Variants in SMYD3 observed in about 807,000 individuals in gnomAD.
SMYD3 encodes the protein SET and MYND domain containing 3, also known as histone-lysine N-methyltransferase SMYD3.
A neutral mutation model predicts 57.7 loss-of-function variants in SMYD3; 36 were observed. The observed-to-expected ratio is 0.62, with a 90% CI of 0.48 to 0.82. The LOEUF (loss-of-function observed/expected upper bound fraction) is 0.82. Ranked by LOEUF, SMYD3 falls within the 40% of genes least tolerant of loss-of-function variation. The pLI is 0.00. For synonymous variants in SMYD3, 211 were observed against 195.0 expected (o/e 1.08, Z -0.68); for missense variants, 515 against 538.8 (o/e 0.96, Z 0.44).
intron 5 of SMYD3, among the ~76,000 whole-genome samples, chr1:246,281,572 C>T (rs562380391): frequency 2.0e-5 from 3 of 152,258 alleles, no homozygotes; most frequent in East Asian, 1.9e-4. Flanking sequence ...CAGGAAATTA[C>T]GTTATTGTCA....
intron 11 of SMYD3, among the ~76,000 whole-genome samples, chr1:245,762,708 C>T (rs1391776783): frequency 2.0e-5 from 3 of 152,180 alleles, no homozygotes; most frequent in African/African-American, 4.8e-5. Flanking sequence ...TAGCATTCGG[C>T]GAAAATGAGC....
chr1:246,000,034 A>C (rs1299014802), intron 5 of SMYD3, among the ~76,000 whole-genome samples: 1 of 152,220 alleles, frequency 6.6e-6, no homozygotes, highest in Non-Finnish European at 1.5e-5. Flanking sequence ...GCTAAATGAG[A>C]TAGGCTATGA....
At chr1:246,469,334 A>G (rs894325334) in intron 1 of SMYD3, among the ~76,000 whole-genome samples, 1 of 152,254 alleles carries the variant, frequency 6.6e-6, no homozygotes, top group Non-Finnish European at 1.5e-5. Context: ...CTTACTACCT[A>G]GCAGTCAAGG....
In SMYD3 at chr1:246,355,010, T is replaced by A; in HGVS notation, c.228+21A>T. On this transcript the variant is annotated intron_variant, in intron 2 of 11. Transcript: ENST00000490107. The surrounding 1 kb of genome is among the most constrained non-coding windows in gnomAD (Gnocchi z 5.0). ...GTAAAGAATTTGAAAGCTTCACTTA[T>A]ATATGGCTGAAAAGTCTTACCTGAC... 1 of 1,612,160 alleles carries A rather than the reference T, an allele frequency of 6.2e-7. No individual in the cohort carries two copies.
At chr1:245,759,451 AG>A (rs58592643) in intron 11 of SMYD3, among the ~76,000 whole-genome samples, 12,209 of 152,160 alleles carry the variant, frequency 0.08, 1,644 homozygotes, top group African/African-American at 0.28. Flanking sequence ...AATATACAAA[AG>A]GTTGTGTATA....
chr1:246,344,165 G>A (rs375666893), intron 2 of SMYD3, among the ~76,000 whole-genome samples: 14 of 151,926 alleles, frequency 9.2e-5, no homozygotes, highest in African/African-American at 1.7e-4. Context: ...TTACATGCAC[G>A]TGCCACCACA....
intron 5 of SMYD3, among the ~76,000 whole-genome samples, chr1:246,173,571 T>A (rs901722526): frequency 2.6e-5 from 4 of 151,454 alleles, no homozygotes; most frequent in African/African-American, 9.7e-5. Context: ...GAACTATTTT[T>A]AAATTTTTTT....
At chr1:246,291,803 T>C (rs2064696543) in intron 5 of SMYD3, among the ~76,000 whole-genome samples, 3 of 152,164 alleles carry the variant, frequency 2.0e-5, no homozygotes, top group Admixed American at 2.0e-4. Context: ...CTTGGGAAAA[T>C]ATGAATTTGA....
intron 1 of SMYD3, among the ~76,000 whole-genome samples, chr1:246,473,277 G>A (rs1054271584): frequency 6.6e-6 from 1 of 152,150 alleles, no homozygotes; most frequent in African/African-American, 2.4e-5. Flanking sequence ...ACATCTTGGA[G>A]ATAAATAGCA....
rs1357055789 is a variant in SMYD3, at chr1:245,976,830, TCTAGCCTAGGGAAAG to T, written c.532-46908_532-46894del. On this transcript the variant is annotated intron_variant, in intron 5 of 11. Transcript: ENST00000490107. ...CTCTAGCCTAGGGAAAGCCATCGTC[TCTAGCCTAGGGAAAG>T]CCATCGTCTCTAGCCTAGGGAAAGC... 7.5e-4 allele frequency among the ~76,000 whole-genome samples: 22 copies of T among 29,356 alleles called. 6 individuals carry two copies. Among genetic ancestry groups the T allele is most frequent in the Non-Finnish European group, 1.1e-3 (12 of 10,826 alleles). The allele number at this position is 29,356 out of a possible 152,430, so 19.3% of individuals were successfully genotyped here. A position where few individuals can be genotyped will look rare whatever the true frequency, so the allele number is the denominator to read the frequency against.
chr1:246,220,412 C>G (rs913056980), intron 5 of SMYD3, among the ~76,000 whole-genome samples: 1 of 151,838 alleles, frequency 6.6e-6, no homozygotes, highest in East Asian at 2.0e-4. Flanking sequence ...CTCCACGAAG[C>G]AGGTGGGAGC....
intron 5 of SMYD3, among the ~76,000 whole-genome samples, chr1:246,243,810 G>T (rs1164330270): frequency 2.6e-5 from 4 of 151,712 alleles, no homozygotes; most frequent in Admixed American, 2.0e-4. Context: ...TTACTTGATG[G>T]ACTAAGAACA....
At chr1:246,085,195 G>A (rs890327261) in intron 5 of SMYD3, among the ~76,000 whole-genome samples, 1 of 151,850 alleles carries the variant, frequency 6.6e-6, no homozygotes, top group African/African-American at 2.4e-5. Context: ...TGTGTATCTG[G>A]GTTAGTTTCC....
At chr1:246,076,114 C>G (rs1462878564) in intron 5 of SMYD3, among the ~76,000 whole-genome samples, 3 of 152,216 alleles carry the variant, frequency 2.0e-5, no homozygotes, top group Non-Finnish European at 2.9e-5. Flanking sequence ...AGGGATACAT[C>G]TGTAGATTTA....
chr1:246,159,440 C>T (rs2062078276), intron 5 of SMYD3, among the ~76,000 whole-genome samples: 1 of 152,122 alleles, frequency 6.6e-6, no homozygotes, highest in South Asian at 2.1e-4. Context: ...GCAAATAGTA[C>T]CTTCCCCAGA....
At chr1:246,273,378 G>A (rs1343837047) in intron 5 of SMYD3, among the ~76,000 whole-genome samples, 1 of 151,624 alleles carries the variant, frequency 6.6e-6, no homozygotes, top group Non-Finnish European at 1.5e-5. Context: ...TGAAACTCCT[G>A]ACCTCAAGTG....
chr1:246,412,782 C>G (rs527453971), intron 1 of SMYD3, among the ~76,000 whole-genome samples: 1 of 145,616 alleles, frequency 6.9e-6, no homozygotes, highest in Non-Finnish European at 1.5e-5. Flanking sequence ...GGCTTGAACT[C>G]GGGAGGCGGA....
chr1:246,354,788 T>C (rs997422117), intron 2 of SMYD3, among the ~76,000 whole-genome samples: 1 of 151,966 alleles, frequency 6.6e-6, no homozygotes, highest in Non-Finnish European at 1.5e-5. Context: ...TGGGGAGGAA[T>C]AGACATTTAC....
Position 246,507,150 on chromosome 1 carries a change from G to A in SMYD3, c.68C>T (p.Pro23Leu). The A allele has an allele frequency of 6.5e-7, 1 of 1,532,770 alleles. No individual in the cohort carries two copies. The highest frequency in any genetic ancestry group is 1.4e-5 in the African/African-American group (1 of 70,422). 94.9% of individuals were successfully genotyped at this position (1,532,770 alleles called of 1,614,324 possible). The change falls in exon 1 of 12, where the codon CCG (proline) becomes CTG (leucine). Residue 23 changes from proline to leucine, a missense_variant. Pro to Leu is a moderately conservative substitution (Grantham distance 98). Coordinates refer to ENST00000490107, the MANE Select transcript of SMYD3 (RefSeq NM_001167740.2). The part of the protein sequence containing the change: ...KRGNGLRAVT[P>L]LRPGELLFRS... ...GAAGAGTAGCTCTCCGGGGCGCAGC[G>A]GGGTCACGGCGCGCAGCCCGTTTCC...
Sources: gnomAD v4.1 joint callset for allele counts (sites outside exome capture counted in the v4.1 genomes callset) on GRCh38, gnomAD v4.1.1 for gene constraint, Gnocchi (gnomAD v3.1) non-coding constraint, MANE v1.5 for transcripts, NCBI Gene and HGNC (gene_info 2026-07-23, HGNC 2026-07-21) for gene names.